The following CACNA2D1 variants were observed in gnomAD, a reference collection of about 807,000 sequenced individuals.
CACNA2D1 encodes voltage-dependent calcium channel subunit alpha-2/delta-1.
Under a neutral mutation model 171.5 loss-of-function variants are expected in CACNA2D1, and 53 were observed. The ratio of observed to expected loss-of-function variants is 0.31; its 90% confidence interval spans 0.25 to 0.39. The LOEUF (loss-of-function observed/expected upper bound fraction) is 0.39. Among genes scored for constraint, CACNA2D1 ranks in the 10% least tolerant of loss-of-function variants. The pLI, the probability that CACNA2D1 is intolerant of heterozygous loss-of-function variation, is 1.00. For synonymous variants in CACNA2D1, 442 were observed against 443.1 expected (o/e 1.00, Z 0.03); for missense variants, 903 against 1,299.8 (o/e 0.69, Z 4.69).
At chr7:82,218,322 C>A (rs992247263) in intron 3 of CACNA2D1, among the ~76,000 whole-genome samples, 7 of 152,142 alleles carry the variant, frequency 4.6e-5, no homozygotes, top group African/African-American at 1.7e-4. Context: ...AAAACAGGTA[C>A]ATAAGGAGGC....
intron 3 of CACNA2D1, among the ~76,000 whole-genome samples, chr7:82,290,508 A>G (rs1217472452): frequency 2.0e-5 from 3 of 150,802 alleles, no homozygotes; most frequent in African/African-American, 7.4e-5. Flanking sequence ...TTTATTTTTT[A>G]TTAAATCATA....
intron 7 of CACNA2D1, among the ~76,000 whole-genome samples, chr7:82,076,372 A>G (rs1256063389): frequency 1.3e-5 from 2 of 152,076 alleles, no homozygotes; most frequent in Non-Finnish European, 2.9e-5. Context: ...CAACACCTCA[A>G]ACTTTACTGT....
At chr7:82,092,221 C>G (rs1380585158) in intron 6 of CACNA2D1, among the ~76,000 whole-genome samples, 2 of 152,182 alleles carry the variant, frequency 1.3e-5, no homozygotes, top group Non-Finnish European at 2.9e-5. Flanking sequence ...TTTATTTAAA[C>G]ACTCACATCA....
chr7:82,222,039 A>G (rs1801831109), intron 3 of CACNA2D1, among the ~76,000 whole-genome samples: 1 of 152,196 alleles, frequency 6.6e-6, no homozygotes, highest in Non-Finnish European at 1.5e-5. Context: ...AATTAAAAGT[A>G]GGTCACATTC....
intron 4 of CACNA2D1, among the ~76,000 whole-genome samples, chr7:82,168,208 A>G (rs1163084966): frequency 4.6e-5 from 7 of 152,102 alleles, no homozygotes; most frequent in African/African-American, 1.7e-4. Flanking sequence ...CAGTGTCATG[A>G]TCTTGGCTCA....
intron 1 of CACNA2D1, among the ~76,000 whole-genome samples, chr7:82,389,516 G>A (rs939674000): frequency 1.3e-5 from 2 of 152,118 alleles, no homozygotes; most frequent in African/African-American, 4.8e-5. Context: ...GCATTTAGAA[G>A]TACAGAATGC....
intron 11 of CACNA2D1, among the ~76,000 whole-genome samples, chr7:82,036,312 C>A (rs184235214): frequency 2.6e-5 from 4 of 152,162 alleles, no homozygotes; most frequent in Admixed American, 2.6e-4. Context: ...TTAACTGATA[C>A]CTCATGGCCT....
chr7:82,282,985 T>A (rs1375767803), intron 3 of CACNA2D1, among the ~76,000 whole-genome samples: 1 of 152,122 alleles, frequency 6.6e-6, no homozygotes, highest in African/African-American at 2.4e-5. Context: ...GCATTCAGAA[T>A]TTTTCAAATA....
In CACNA2D1 at chr7:81,974,532, T is replaced by G. The variant is rs772123944; in HGVS notation, c.1976A>C (p.Lys659Thr). 22 of 1,554,252 alleles carry G rather than the reference T, an allele frequency of 1.4e-5. No individual in the cohort carries two copies. In the South Asian group the frequency reaches 2.5e-4, roughly 17 times the overall value. The change falls in exon 25 of 39, where the codon AAA (lysine) becomes ACA (threonine). Residue 659 changes from lysine to threonine, a missense_variant. Lys to Thr is a moderately conservative substitution (Grantham distance 78). Transcript: ENST00000356860. ...IAPRDYCNDL[K>T]ISDNNTEFLL... Reference sequence around the variant, plus strand: ...AAATTCAGTGTTATTATCCGATATTTTCAGGTCATTGCAGTAATCTCTGAA... The same window carrying G: ...AAATTCAGTGTTATTATCCGATATTGTCAGGTCATTGCAGTAATCTCTGAA...
At chr7:82,253,754 C>T (rs976947722) in intron 3 of CACNA2D1, among the ~76,000 whole-genome samples, 1 of 152,040 alleles carries the variant, frequency 6.6e-6, no homozygotes, top group Non-Finnish European at 1.5e-5. Flanking sequence ...GGTCTTTATT[C>T]TCCAGAAACT....
intron 3 of CACNA2D1, among the ~76,000 whole-genome samples, chr7:82,198,653 A>T (rs1183722348): frequency 6.6e-6 from 1 of 151,100 alleles, no homozygotes; most frequent in African/African-American, 2.4e-5. Flanking sequence ...TCAAACACAA[A>T]GAGATATCTG....
intron 16 of CACNA2D1, among the ~76,000 whole-genome samples, chr7:82,006,528 A>G (rs1369615880): frequency 1.3e-5 from 2 of 152,116 alleles, no homozygotes; most frequent in East Asian, 3.8e-4. Context: ...GAATTATATA[A>G]ATTATAAAAT....
chr7:82,239,845 T>C (rs965003084), intron 3 of CACNA2D1, among the ~76,000 whole-genome samples: 4 of 152,152 alleles, frequency 2.6e-5, no homozygotes, highest in African/African-American at 9.7e-5. Flanking sequence ...ACTCTGTGCT[T>C]CTGATGTGTA....
intron 1 of CACNA2D1, among the ~76,000 whole-genome samples, chr7:82,387,589 AAT>A (rs1824553312): frequency 6.6e-6 from 1 of 152,156 alleles, no homozygotes; most frequent in South Asian, 2.1e-4. Context: ...ATGTTCTAAC[AAT>A]GAACAGTACC....
In CACNA2D1 at chr7:82,007,776, G is replaced by A; in HGVS notation, c.1363-20C>T. On this transcript the variant is annotated intron_variant, in intron 15 of 38. Coordinates refer to ENST00000356860, the MANE Select transcript of CACNA2D1 (RefSeq NM_000722.4). ...CAGTTCCTAAAAATAGATTCAGAGA[G>A]AAAGGGCAAATTAAAATTACAATTT... 1 of 1,379,072 alleles carries A rather than the reference G, an allele frequency of 7.3e-7. No homozygotes were observed. Among genetic ancestry groups the A allele is most frequent in the Non-Finnish European group, 1.0e-6 (1 of 966,160 alleles). The allele number at this position is 1,379,072 out of a possible 1,614,324, so 85.4% of individuals were successfully genotyped here.
At chr7:82,264,227 A>G (rs1456746580) in intron 3 of CACNA2D1, among the ~76,000 whole-genome samples, 2 of 152,250 alleles carry the variant, frequency 1.3e-5, no homozygotes, top group East Asian at 1.9e-4. Context: ...GTATATTTCT[A>G]TTTCTAGTCT....
intron 3 of CACNA2D1, among the ~76,000 whole-genome samples, chr7:82,208,501 C>T (rs879812183): frequency 2.0e-5 from 3 of 152,134 alleles, no homozygotes; most frequent in Admixed American, 2.0e-4. Flanking sequence ...ACACAGGTAA[C>T]TTCCCAATGT....
chr7:82,005,219 A>G (rs993942494), intron 18 of CACNA2D1: 11 of 533,506 alleles, frequency 2.1e-5, no homozygotes, highest in African/African-American at 1.7e-4. Context: ...TGTTGCAGCT[A>G]AATTGGTAAC....
chr7:82,110,612 C>A (rs753191417), intron 6 of CACNA2D1, among the ~76,000 whole-genome samples: 1 of 152,332 alleles, frequency 6.6e-6, no homozygotes, highest in Admixed American at 6.5e-5. Flanking sequence ...GCTCCCCGTT[C>A]GCTTGCTAAC....
Sources: allele counts gnomAD v4.1 joint callset (sites outside exome capture counted in the v4.1 genomes callset), GRCh38; gene constraint gnomAD v4.1.1; transcripts MANE v1.5; gene names NCBI Gene and HGNC (gene_info 2026-07-23, HGNC 2026-07-21).